The following LDLRAD4 variants were observed in gnomAD, a reference collection of about 807,000 sequenced individuals.
LDLRAD4 encodes low-density lipoprotein receptor class A domain-containing protein 4.
A neutral mutation model predicts 17.0 loss-of-function variants in LDLRAD4; 5 were observed. The observed-to-expected ratio is 0.29, with a 90% CI of 0.15 to 0.62. The LOEUF (loss-of-function observed/expected upper bound fraction) is 0.62. LDLRAD4 is among the 20% of genes least tolerant of loss of function. LDLRAD4 has a pLI of 0.84. For synonymous variants in LDLRAD4, 168 were observed against 171.8 expected, an observed-to-expected ratio of 0.98 and a Z score of 0.17; for missense variants, 340 against 424.7, an observed-to-expected ratio of 0.80 and a Z score of 1.75.
intron 3 of LDLRAD4, chr18:13,487,166 G>A (rs1018330244): frequency 6.6e-6 from 1 of 152,156 alleles, no homozygotes; most frequent in Non-Finnish European, 1.5e-5. Flanking sequence ...CCCCAACCAT[G>A]ATCCAGTTCA....
At chr18:13,465,892 T>G (rs191381002) in intron 3 of LDLRAD4, among the ~76,000 whole-genome samples, 123 of 152,230 alleles carry the variant, frequency 8.1e-4, no homozygotes, top group Non-Finnish European at 1.5e-3. Context: ...TCATACTCTC[T>G]CCCCCTTTTT....
chr18:13,635,175 C>T (rs1353966093), intron 4 of LDLRAD4, among the ~76,000 whole-genome samples: 1 of 152,238 alleles, frequency 6.6e-6, no homozygotes, highest in Non-Finnish European at 1.5e-5. Context: ...TTATAAACAG[C>T]AAACACTGAT....
At chr18:13,275,205 C>T (rs2044788598), upstream of LDLRAD4, among the ~76,000 whole-genome samples, 1 of 152,196 alleles carries the variant, frequency 6.6e-6, no homozygotes, top group African/African-American at 2.4e-5. Context: ...AAATGAGTCA[C>T]AAATTCTTAC....
At chr18:13,623,022 C>T (rs1478057158) in intron 4 of LDLRAD4, among the ~76,000 whole-genome samples, 1 of 152,216 alleles carries the variant, frequency 6.6e-6, no homozygotes, top group Non-Finnish European at 1.5e-5. Context: ...CAGCTCCTTG[C>T]TCTGTTCCTG....
intron 1 of LDLRAD4, among the ~76,000 whole-genome samples, chr18:13,340,072 A>AT (rs925622524): frequency 1.3e-5 from 2 of 152,160 alleles, no homozygotes; most frequent in African/African-American, 2.4e-5. Context: ...CATAATGTTC[A>AT]TTTATGATGT....
intron 1 of LDLRAD4, among the ~76,000 whole-genome samples, chr18:13,340,296 T>TG (rs2082306778): frequency 6.6e-6 from 1 of 152,188 alleles, no homozygotes. Flanking sequence ...GAAGTGGACT[T>TG]GCTGGGACAT....
At chr18:13,318,648 G>C (rs763251049) in intron 1 of LDLRAD4, among the ~76,000 whole-genome samples, 16 of 152,160 alleles carry the variant, frequency 1.1e-4, no homozygotes, top group Non-Finnish European at 1.9e-4. Context: ...ATGACAAATG[G>C]AAAGCTTGAT....
chr18:13,309,003 T>A (rs952797142), intron 1 of LDLRAD4, among the ~76,000 whole-genome samples: 1 of 152,222 alleles, frequency 6.6e-6, no homozygotes, highest in East Asian at 1.9e-4. Flanking sequence ...TTTGGTCCTG[T>A]CTTCTTGACT....
At chr18:13,588,553 C>T (rs944684581) in intron 3 of LDLRAD4, among the ~76,000 whole-genome samples, 2 of 151,850 alleles carry the variant, frequency 1.3e-5, no homozygotes, top group Non-Finnish European at 2.9e-5. Flanking sequence ...TTTCAGTTTC[C>T]TCCCTTGCCC....
At chr18:13,470,498 TA>T (rs1568208304) in intron 3 of LDLRAD4, among the ~76,000 whole-genome samples, 2 of 149,192 alleles carry the variant, frequency 1.3e-5, no homozygotes, top group South Asian at 2.2e-4. Flanking sequence ...CACAGCAAAA[TA>T]GCCAATGTCC....
intron 1 of LDLRAD4, among the ~76,000 whole-genome samples, chr18:13,314,432 ATGTACAGGCACACCTTGGAGATGT>A (rs2080820817): frequency 6.6e-6 from 1 of 152,354 alleles, no homozygotes; most frequent in African/African-American, 2.4e-5. Context: ...ATGTGGCTGC[ATGTACAGGCACACCTTGGAGATGT>A]TGTGGAATAC....
At chr18:13,578,917 G>C (rs1415192258) in intron 3 of LDLRAD4, among the ~76,000 whole-genome samples, 1 of 143,154 alleles carries the variant, frequency 7.0e-6, no homozygotes, top group Non-Finnish European at 1.5e-5. Context: ...TTGGCCGGGC[G>C]CAGTGGCTCA....
intron 4 of LDLRAD4, among the ~76,000 whole-genome samples, chr18:13,628,406 G>A (rs1039901163): frequency 2.6e-5 from 4 of 152,326 alleles, no homozygotes; most frequent in South Asian, 2.1e-4. Flanking sequence ...TGTGTTTGTC[G>A]GTTGTCCAGT....
chr18:13,225,556 C>T (rs2145408101), intron 1 of LDLRAD4, among the ~76,000 whole-genome samples: 1 of 152,370 alleles, frequency 6.6e-6, no homozygotes, highest in Admixed American at 6.5e-5. Flanking sequence ...CAACAGCTCT[C>T]AGTAGCCACG....
At chr18:13,387,625 C>G in exon 2 of LDLRAD4, 1 of 1,127,560 alleles carries the variant, frequency 8.9e-7, no homozygotes, top group Non-Finnish European at 1.3e-6. Flanking sequence ...GAGCGATGGA[C>G]TTGGACAGGC....
chr18:13,620,891 G>T, intron 3 of LDLRAD4: 1 of 598,770 alleles, frequency 1.7e-6, no homozygotes. Flanking sequence ...GGTGGGGGAT[G>T]GCAGAGGCTT....
At chr18:13,264,906 C>T (rs1230107434) in intron 1 of LDLRAD4, among the ~76,000 whole-genome samples, 1 of 152,194 alleles carries the variant, frequency 6.6e-6, no homozygotes, top group Non-Finnish European at 1.5e-5. Flanking sequence ...TATAAACAGA[C>T]TCCAGTATTT....
At chr18:13,245,939 C>A (rs1387867730) in intron 1 of LDLRAD4, among the ~76,000 whole-genome samples, 1 of 152,206 alleles carries the variant, frequency 6.6e-6, no homozygotes, top group Non-Finnish European at 1.5e-5. Context: ...TCACTCGGGG[C>A]TCAGAGCACT....
chr18:13,301,844 C>T (rs1039827229), intron 1 of LDLRAD4, among the ~76,000 whole-genome samples: 1 of 152,128 alleles, frequency 6.6e-6, no homozygotes, highest in Non-Finnish European at 1.5e-5. Flanking sequence ...CTGAGGTGGG[C>T]GTCATTGGGC....
Sources: gnomAD v4.1 joint callset for allele counts (sites outside exome capture counted in the v4.1 genomes callset) on GRCh38, gnomAD v4.1.1 for gene constraint, MANE v1.5 for transcripts, NCBI Gene and HGNC (gene_info 2026-07-23, HGNC 2026-07-21) for gene names.